Variants in BIRC6 observed in about 807,000 individuals in gnomAD.
BIRC6 encodes dual E2 ubiquitin-conjugating enzyme/E3 ubiquitin-protein ligase BIRC6.
Under a neutral mutation model 503.3 loss-of-function variants are expected in BIRC6, and 98 were observed. That is an observed-to-expected ratio of 0.19 (90% CI 0.17 to 0.23). BIRC6 has a LOEUF of 0.23. Among genes scored for constraint, BIRC6 ranks in the 10% least tolerant of loss-of-function variants. The pLI, the probability that BIRC6 is intolerant of heterozygous loss-of-function variation, is 1.00. For synonymous variants in BIRC6, 2,240 were observed against 2,078.7 expected, an observed-to-expected ratio of 1.08 and a Z score of -2.11; for missense variants, 5,360 against 5,806.0, an observed-to-expected ratio of 0.92 and a Z score of 2.50.
In BIRC6 at chr2:32,599,822, T is replaced by A; in HGVS notation, c.13914T>A (p.Ser4638Arg). The A allele has an allele frequency of 6.2e-7, 1 of 1,613,924 alleles. No homozygotes were observed. Among genetic ancestry groups the A allele is most frequent in the South Asian group, 1.1e-5 (1 of 91,082 alleles). ...TGTATTTTCCTCAAGATTATCCCAG[T>A]TCACCCCCTCTTGTGAATCTAGAGA... ...FDVYFPQDYP[S>R]SPPLVNLETT... Residue 4638 changes from serine to arginine, a missense_variant, in exon 70 of 74, where the codon AGT becomes AGA. Ser to Arg is a moderately radical substitution (Grantham distance 110, BLOSUM62 -1). Coordinates refer to ENST00000421745, the MANE Select transcript of BIRC6 (RefSeq NM_016252.4).
intron 66 of BIRC6, among the ~76,000 whole-genome samples, chr2:32,589,499 T>C (rs1342235347): frequency 6.6e-6 from 1 of 152,176 alleles, no homozygotes; most frequent in Non-Finnish European, 1.5e-5. Flanking sequence ...AAATTTCAGT[T>C]CCAGCCCTCC....
intron 66 of BIRC6, 127 bp downstream of exon 66, chr2:32,575,493 G>T (rs918546615): frequency 4.9e-6 from 4 of 821,974 alleles, no homozygotes; most frequent in Non-Finnish European, 7.7e-6. Flanking sequence ...GGCTGGGTGC[G>T]GTGGCTCACA....
chr2:32,372,895 GA>G (rs1388885310), intron 1 of BIRC6, among the ~76,000 whole-genome samples: 1 of 152,144 alleles, frequency 6.6e-6, no homozygotes, highest in Non-Finnish European at 1.5e-5. Flanking sequence ...ATTATAAATA[GA>G]GCGACTATAA....
intron 24 of BIRC6, 37 bp from the exon 25 acceptor site, chr2:32,464,472 G>A (rs2048319045): frequency 1.3e-6 from 2 of 1,514,314 alleles, no homozygotes; most frequent in East Asian, 2.5e-5. Flanking sequence ...AGGTAGGCAG[G>A]ATTAGTCTAT....
rs1332029880 is a variant in BIRC6, at chr2:32,469,591, GCTT to G, written c.6327_6329del (p.Leu2110del). The G allele has an allele frequency of 6.2e-7, 1 of 1,613,394 alleles. No individual in the cohort carries two copies. Among genetic ancestry groups the G allele is most frequent in the Non-Finnish European group, 8.5e-7 (1 of 1,179,538 alleles). On this transcript the variant is annotated inframe_deletion, in exon 30 of 74. Transcript: ENST00000421745. ...TTCAGGAATTGTACAATTCGGAACA[GCTT>G]CTCATCTTTCCACAGGATAGGTAGG...
At chr2:32,478,918 A>T in intron 36 of BIRC6, 100 bp downstream of exon 36, 1 of 1,153,550 alleles carries the variant, frequency 8.7e-7, no homozygotes, top group South Asian at 1.4e-5. Context: ...GGGATCTTTA[A>T]CCCCCTAAAA....
At chr2:32,556,592 A>C (rs2058794289) in intron 65 of BIRC6, among the ~76,000 whole-genome samples, 2 of 152,020 alleles carry the variant, frequency 1.3e-5, no homozygotes. Context: ...TGCCAGTTGT[A>C]TTTCCGCTAT....
At chr2:32,606,017 A>C (rs1183856320) in intron 71 of BIRC6, among the ~76,000 whole-genome samples, 1 of 152,168 alleles carries the variant, frequency 6.6e-6, no homozygotes, top group Non-Finnish European at 1.5e-5. Context: ...GTTCTCTTTA[A>C]CTTTGACTTA....
intron 1 of BIRC6, among the ~76,000 whole-genome samples, chr2:32,370,038 A>G (rs886868796): frequency 7.9e-5 from 11 of 140,112 alleles, no homozygotes; most frequent in African/African-American, 2.4e-4. Flanking sequence ...ATATATATGT[A>G]TGTATATATA....
At chr2:32,588,921 T>G (rs1477410667) in intron 66 of BIRC6, among the ~76,000 whole-genome samples, 4 of 152,200 alleles carry the variant, frequency 2.6e-5, no homozygotes, top group Non-Finnish European at 5.9e-5. Flanking sequence ...GAAATTTATC[T>G]CCTGCTGGTC....
chr2:32,399,071 A>T (rs1309140803), intron 6 of BIRC6, among the ~76,000 whole-genome samples: 1 of 152,064 alleles, frequency 6.6e-6, no homozygotes, highest in Non-Finnish European at 1.5e-5. Flanking sequence ...ATTTATTTTT[A>T]AAATTTTATT....
At chr2:32,439,769 A>G in intron 16 of BIRC6, 83 bp downstream of exon 16, 1 of 1,240,186 alleles carries the variant, frequency 8.1e-7, no homozygotes, top group Non-Finnish European at 1.1e-6. Flanking sequence ...AAGTAGTATG[A>G]CCTTTCAGTG....
Position 32,518,301 on chromosome 2 carries a change from A to C in BIRC6, c.11397A>C (p.Pro3799=). Reference sequence around the variant, plus strand: ...CATCTCCTCAAAGAGGGAACCTTCCAACATCTGGGAACATTTCAGGGTTTA... The same window carrying C: ...CATCTCCTCAAAGAGGGAACCTTCCCACATCTGGGAACATTTCAGGGTTTA... The part of the protein sequence containing the change: ...FQTSPQRGNL[P]TSGNISGFIR... Residue 3799 remains proline, a synonymous_variant, in exon 56 of 74, where the codon CCA becomes CCC. Coordinates refer to ENST00000421745, the MANE Select transcript of BIRC6 (RefSeq NM_016252.4). 1 of 1,612,992 alleles carries C rather than the reference A, an allele frequency of 6.2e-7. No homozygotes were observed. The highest frequency in any genetic ancestry group is 1.3e-5 in the African/African-American group (1 of 74,990).
At position 32,397,758 on chromosome 2, in the gene BIRC6, A is replaced by G. The variant is rs140321126; in HGVS notation, c.1034+2165A>G. On this transcript the variant is annotated intron_variant, in intron 6 of 73. Transcript: ENST00000421745. ...ATATATTTTTTAGGTCCCTATGCCA[A>G]TCCTCAAAAAGTTATTTAACCTATA... 3.9e-3 allele frequency among the ~76,000 whole-genome samples: 591 copies of G among 151,812 alleles called. 8 individuals are homozygous for G. The highest frequency in any genetic ancestry group is 0.013 in the African/African-American group (547 of 41,438).
At chr2:32,385,278 A>G (rs574774404) in intron 3 of BIRC6, among the ~76,000 whole-genome samples, 1 of 152,222 alleles carries the variant, frequency 6.6e-6, no homozygotes, top group African/African-American at 2.4e-5. Context: ...TTGATGTAGA[A>G]CAAGGAGGAG....
intron 70 of BIRC6, among the ~76,000 whole-genome samples, chr2:32,601,538 G>A (rs1209777604): frequency 6.6e-6 from 1 of 152,050 alleles, no homozygotes; most frequent in Non-Finnish European, 1.5e-5. Context: ...CCCAGATTGT[G>A]CCATTGCACT....
chr2:32,554,255 C>T (rs1346283429), intron 65 of BIRC6, among the ~76,000 whole-genome samples: 3 of 152,088 alleles, frequency 2.0e-5, no homozygotes, highest in Non-Finnish European at 4.4e-5. Context: ...TAAATCTTTA[C>T]CTTTTTAATA....
At chr2:32,500,614 T>TG (rs1000320597) in intron 46 of BIRC6, among the ~76,000 whole-genome samples, 2 of 148,902 alleles carry the variant, frequency 1.3e-5, no homozygotes. Context: ...TTGTTTTTTT[T>TG]TTTTTTTTTG....
intron 8 of BIRC6, among the ~76,000 whole-genome samples, chr2:32,406,227 G>A (rs886124966): frequency 2.0e-5 from 3 of 151,924 alleles, no homozygotes; most frequent in African/African-American, 4.8e-5. Context: ...CCCCGTCTCT[G>A]CAAAAATTAA....
Sources: gnomAD v4.1 joint callset for allele counts (sites outside exome capture counted in the v4.1 genomes callset) on GRCh38, gnomAD v4.1.1 for gene constraint, MANE v1.5 for transcripts, NCBI Gene and HGNC (gene_info 2026-07-23, HGNC 2026-07-21) for gene names.